The following EYA1 variants were observed in gnomAD, a reference collection of about 807,000 sequenced individuals.
EYA1 encodes the protein protein phosphatase EYA1.
A neutral mutation model predicts 82.0 loss-of-function variants in EYA1; 16 were observed. The ratio of observed to expected loss-of-function variants is 0.20; its 90% confidence interval spans 0.13 to 0.30. The LOEUF (loss-of-function observed/expected upper bound fraction) is 0.30. EYA1 is among the 10% of genes least tolerant of loss of function. The pLI is 1.00. For synonymous variants in EYA1, 261 were observed against 264.4 expected (o/e 0.99, Z 0.12); for missense variants, 633 against 730.7 (o/e 0.87, Z 1.54).
chr8:71,238,867 A>G (rs562324226), intron 12 of EYA1, among the ~76,000 whole-genome samples: 17 of 152,148 alleles, frequency 1.1e-4, no homozygotes, highest in African/African-American at 3.9e-4. Flanking sequence ...TCTTGTTTTT[A>G]CTTGTAATGA....
At chr8:71,394,395 G>A (rs1051356357) in intron 2 of EYA1, among the ~76,000 whole-genome samples, 1 of 152,042 alleles carries the variant, frequency 6.6e-6, no homozygotes, top group Non-Finnish European at 1.5e-5. Flanking sequence ...GTATTGCCTC[G>A]GTTTTCTTCT....
At chr8:71,410,070 C>T (rs1200566671) in intron 2 of EYA1, among the ~76,000 whole-genome samples, 3 of 152,046 alleles carry the variant, frequency 2.0e-5, no homozygotes, top group African/African-American at 7.3e-5. Flanking sequence ...AAGGCTGGTT[C>T]AATATACGCA....
rs201950125 is a variant in EYA1, at chr8:71,523,173, C to CTTTTTTTTTTTTTTTTTTTTTTTT, written c.33+12570_33+12571insAAAAAAAAAAAAAAAAAAAAAAAA. On this transcript the variant is annotated intron_variant, in intron 2 of 18. Coordinates refer to the EYA1 transcript ENST00000643681. ...TTCAGCTCTTTTTCTTTTCTTTTTT[C>CTTTTTTTTTTTTTTTTTTTTTTTT]TTTTTCTTTTTTTTTTTTTTTTTGA... Among the ~76,000 whole-genome samples, 32 of 110,838 alleles carry CTTTTTTTTTTTTTTTTTTTTTTTT rather than the reference C, an allele frequency of 2.9e-4. 6 individuals carry two copies. Among genetic ancestry groups the CTTTTTTTTTTTTTTTTTTTTTTTT allele is most frequent in the Admixed American group, 7.7e-4 (7 of 9,146 alleles). The allele number at this position is 110,838 out of a possible 152,430, so 72.7% of individuals were successfully genotyped here.
chr8:71,250,037 GT>G lies in EYA1; in HGVS notation c.1051-5346del, dbSNP rs113001711. ...CATTGCCATTGTTCTTTGCTTTCTT[GT>G]TTTTTTTTTTTCCCCTTAGCCTTGT... On this transcript the variant is annotated intron_variant, in intron 11 of 17. Transcript: ENST00000340726. Among the ~76,000 whole-genome samples, 1,180 of 141,774 alleles carry G rather than the reference GT, an allele frequency of 8.3e-3. 5 individuals carry two copies. The highest frequency in any genetic ancestry group is 0.011 in the Non-Finnish European group (681 of 64,532). The allele number at this position is 141,774 out of a possible 152,430, so 93.0% of individuals were successfully genotyped here.
chr8:71,433,833 A>C (rs1468858484), intron 2 of EYA1, among the ~76,000 whole-genome samples: 1 of 152,214 alleles, frequency 6.6e-6, no homozygotes, highest in Non-Finnish European at 1.5e-5. Context: ...GTGAGAAGCC[A>C]CGGAGGATTC....
chr8:71,268,191 A>G (rs567479544), intron 11 of EYA1, among the ~76,000 whole-genome samples: 1 of 152,240 alleles, frequency 6.6e-6, no homozygotes, highest in South Asian at 2.1e-4. Context: ...TTTTGCGTCA[A>G]TTTGGCCCTT....
At chr8:71,211,389 C>A in intron 16 of EYA1, 133 bp from the exon 17 acceptor site, 1 of 679,422 alleles carries the variant, frequency 1.5e-6, no homozygotes, top group Non-Finnish European at 2.7e-6. Flanking sequence ...AAGAGGAATG[C>A]TTTTATGCCA....
intron 2 of EYA1, among the ~76,000 whole-genome samples, chr8:71,512,757 ATAAT>A (rs2129255058): frequency 6.6e-6 from 1 of 152,300 alleles, no homozygotes; most frequent in Admixed American, 6.5e-5. Context: ...TTCTGAAATT[ATAAT>A]TAAACTTTCC....
chr8:71,425,595 G>T (rs1284688892), intron 2 of EYA1, among the ~76,000 whole-genome samples: 2 of 152,138 alleles, frequency 1.3e-5, no homozygotes, highest in African/African-American at 4.8e-5. Context: ...TATCTAAGGA[G>T]CTTAGTATCA....
At position 71,349,018 on chromosome 8, in the gene EYA1, T is replaced by C. The variant is rs150329891; in HGVS notation, c.124+5764A>G. Among the ~76,000 whole-genome samples, 1,405 of 152,328 alleles carry C rather than the reference T, an allele frequency of 9.2e-3. 22 individuals are homozygous for C. Among genetic ancestry groups the C allele is most frequent in the African/African-American group, 0.031 (1,305 of 41,568 alleles). ...ATCCAAATGTGCATATAATAACCATTATAATGAAAAGCAGAGATGATTTCC... is the reference window on the plus strand; with the variant it reads ...ATCCAAATGTGCATATAATAACCATCATAATGAAAAGCAGAGATGATTTCC... On this transcript the variant is annotated intron_variant, in intron 3 of 17. Transcript: ENST00000340726.
At chr8:71,324,866 G>A (rs1822975531) in intron 4 of EYA1, among the ~76,000 whole-genome samples, 1 of 151,500 alleles carries the variant, frequency 6.6e-6, no homozygotes, top group Admixed American at 6.6e-5. Context: ...CATACTCTCA[G>A]GATCCCTGTC....
At chr8:71,276,902 G>A (rs751824665) in intron 9 of EYA1, among the ~76,000 whole-genome samples, 2 of 152,004 alleles carry the variant, frequency 1.3e-5, no homozygotes, top group Non-Finnish European at 2.9e-5. Flanking sequence ...GGGAATAAAT[G>A]GGGTAAAATA....
intron 11 of EYA1, among the ~76,000 whole-genome samples, chr8:71,259,367 T>A (rs1346584602): frequency 1.3e-5 from 2 of 152,180 alleles, no homozygotes; most frequent in Non-Finnish European, 2.9e-5. Context: ...TCTCTTGCTG[T>A]CATTTACCAG....
intron 2 of EYA1, among the ~76,000 whole-genome samples, chr8:71,498,037 T>G (rs1811545106): frequency 6.6e-6 from 1 of 151,476 alleles, no homozygotes; most frequent in African/African-American, 2.4e-5. Context: ...GTACAGGGAC[T>G]AGGGTGGTTG....
chr8:71,273,684 T>C (rs930934162), intron 9 of EYA1, among the ~76,000 whole-genome samples: 1 of 152,230 alleles, frequency 6.6e-6, no homozygotes, highest in African/African-American at 2.4e-5. Context: ...ATCTCTAATA[T>C]GTTTCGATAC....
At chr8:71,199,750 T>C (rs1361740942) in intron 17 of EYA1, among the ~76,000 whole-genome samples, 1 of 152,196 alleles carries the variant, frequency 6.6e-6, no homozygotes, top group South Asian at 2.1e-4. Flanking sequence ...ACGTATCCAG[T>C]GGGTTTTTCA....
chr8:71,540,533 G>T (rs1815060811), intron 1 of EYA1, among the ~76,000 whole-genome samples: 1 of 152,212 alleles, frequency 6.6e-6, no homozygotes, highest in Admixed American at 6.5e-5. Flanking sequence ...AGGCCATGGG[G>T]ACAGACTTCC....
intron 2 of EYA1, among the ~76,000 whole-genome samples, chr8:71,376,021 T>C: frequency 6.6e-6 from 1 of 152,320 alleles, no homozygotes; most frequent in East Asian, 1.9e-4. Context: ...CTCCTATGTA[T>C]GGTGCATGTG....
At chr8:71,273,874 C>T (rs1383699965) in intron 9 of EYA1, among the ~76,000 whole-genome samples, 3 of 152,190 alleles carry the variant, frequency 2.0e-5, no homozygotes, top group Non-Finnish European at 2.9e-5. Flanking sequence ...CCTTGACTTA[C>T]CGACAGTATA....
Sources: allele counts gnomAD v4.1 joint callset (sites outside exome capture counted in the v4.1 genomes callset), GRCh38; gene constraint gnomAD v4.1.1; transcripts MANE v1.5; gene names NCBI Gene and HGNC (gene_info 2026-07-23, HGNC 2026-07-21).